The following LMO7 variants were observed in gnomAD, a reference collection of about 807,000 sequenced individuals.
The protein encoded by LMO7 is LIM domain only protein 7.
Under a neutral mutation model 206.5 loss-of-function variants are expected in LMO7, and 120 were observed. The ratio of observed to expected loss-of-function variants is 0.58; its 90% CI spans 0.50 to 0.68. The LOEUF (loss-of-function observed/expected upper bound fraction) is 0.68, where lower values mean the gene tolerates loss of function less well. Among genes scored for constraint, LMO7 ranks in the 30% least tolerant of loss-of-function variants. The pLI, the probability that LMO7 is intolerant of heterozygous loss-of-function variation, is 0.00. For synonymous variants in LMO7, 706 were observed against 681.5 expected, an observed-to-expected ratio of 1.04 and a Z score of -0.56; for missense variants, 1,959 against 1,957.9, an observed-to-expected ratio of 1.00 and a Z score of -0.01.
chr13:75,735,636 T>G (rs1282630975), intron 3 of LMO7, among the ~76,000 whole-genome samples: 1 of 151,340 alleles, frequency 6.6e-6, no homozygotes, highest in Non-Finnish European at 1.5e-5. Flanking sequence ...TAATTTTTTT[T>G]TTTTTTTGTA....
chr13:75,783,914 C>T (rs1038301633), intron 4 of LMO7, among the ~76,000 whole-genome samples: 3 of 152,114 alleles, frequency 2.0e-5, no homozygotes, highest in Non-Finnish European at 1.5e-5. Flanking sequence ...TTAAATGAGC[C>T]TTTCAGCTAA....
intron 19 of LMO7, among the ~76,000 whole-genome samples, chr13:75,837,594 G>A (rs2059232675): frequency 6.6e-6 from 1 of 152,098 alleles, no homozygotes; most frequent in Non-Finnish European, 1.5e-5. Flanking sequence ...TTACTTAATA[G>A]TAGTAGCTAC....
intron 4 of LMO7, among the ~76,000 whole-genome samples, chr13:75,780,945 A>C (rs2051237849): frequency 6.6e-6 from 1 of 152,072 alleles, no homozygotes; most frequent in Non-Finnish European, 1.5e-5. Flanking sequence ...ATTTGCTTTT[A>C]TTAGTCTTGG....
intron 1 of LMO7, among the ~76,000 whole-genome samples, chr13:75,668,675 A>G (rs370841185): frequency 5.3e-5 from 8 of 152,134 alleles, no homozygotes; most frequent in Middle Eastern, 3.4e-3. Context: ...TTTTTTATAC[A>G]TTAGTCCCAA....
chr13:75,838,955 G>A lies in LMO7; in HGVS notation c.3451+759G>A, dbSNP rs193121073. Among the ~76,000 whole-genome samples, 351 of 152,244 alleles carry A rather than the reference G, an allele frequency of 2.3e-3. 1 individual carries two copies. The highest frequency in any genetic ancestry group is 3.3e-3 in the Non-Finnish European group (225 of 68,014). On this transcript the variant is annotated intron_variant, in intron 20 of 30. Transcript: ENST00000377534. ...TGCAATGGTCAGAGGATATTGTGCT[G>A]TTGCCATCTAAAATGTTACTGTTTC...
chr13:75,756,584 T>G (rs1198207883), intron 3 of LMO7, among the ~76,000 whole-genome samples: 1 of 152,178 alleles, frequency 6.6e-6, no homozygotes, highest in Non-Finnish European at 1.5e-5. Context: ...TTGAAGGATT[T>G]CAGAATTTCT....
chr13:75,627,703 T>C (rs2034389806), intron 2 of LMO7: 1 of 152,314 alleles, frequency 6.6e-6, no homozygotes, highest in South Asian at 2.1e-4. Context: ...ACACAGACTT[T>C]ATTTTTTTTT....
At chr13:75,723,258 T>C (rs987402056) in intron 2 of LMO7, among the ~76,000 whole-genome samples, 1 of 152,304 alleles carries the variant, frequency 6.6e-6, no homozygotes, top group African/African-American at 2.4e-5. Context: ...CTTTATTATA[T>C]CTTTAAAACT....
rs543836415 is a variant in LMO7, at chr13:75,653,201, G to C, written c.69+16475G>C. On this transcript the variant is annotated intron_variant, in intron 1 of 30. Transcript: ENST00000377534. Reference sequence around the variant, plus strand: ...GAAAAAAAAGAAAGTTAACATACTTGCATACATTGAATATCTAAGTTCCAG... The same window carrying C: ...GAAAAAAAAGAAAGTTAACATACTTCCATACATTGAATATCTAAGTTCCAG... Among the ~76,000 whole-genome samples the C allele has an allele frequency of 7.2e-5, 11 of 152,322 alleles. No individual in the cohort carries two copies. The South Asian group carries it at 2.1e-3, about 29-fold the overall frequency.
intron 11 of LMO7, among the ~76,000 whole-genome samples, chr13:75,810,831 G>C (rs746932686): frequency 2.6e-5 from 4 of 152,208 alleles, no homozygotes; most frequent in Non-Finnish European, 5.9e-5. Context: ...TTATATGACT[G>C]AGTTAGAGAA....
chr13:75,837,088 C>T (rs1055749516), intron 19 of LMO7, among the ~76,000 whole-genome samples: 7 of 152,212 alleles, frequency 4.6e-5, no homozygotes, highest in African/African-American at 1.7e-4. Context: ...GAGACCTCTT[C>T]TGCCATGAAC....
At chr13:75,663,387 G>C (rs1345346150) in intron 1 of LMO7, among the ~76,000 whole-genome samples, 2 of 141,278 alleles carry the variant, frequency 1.4e-5, no homozygotes, top group East Asian at 4.6e-4. Context: ...GTGAATGTAA[G>C]AAGTATGTCA....
At chr13:75,855,143 A>G in intron 28 of LMO7, 117 bp from the exon 29 acceptor site, 1 of 593,728 alleles carries the variant, frequency 1.7e-6, no homozygotes, top group Admixed American at 2.9e-5. Flanking sequence ...TCCCACAGAT[A>G]TATGTATAGA....
intron 26 of LMO7, among the ~76,000 whole-genome samples, chr13:75,846,052 A>G (rs1186362885): frequency 6.6e-6 from 1 of 152,064 alleles, no homozygotes; most frequent in Non-Finnish European, 1.5e-5. Flanking sequence ...TATCATTGCC[A>G]TGCTGGAGAA....
chr13:75,636,896 G>A (rs1283757049), intron 1 of LMO7, among the ~76,000 whole-genome samples, 170 bp downstream of exon 1: 1 of 152,182 alleles, frequency 6.6e-6, no homozygotes, highest in African/African-American at 2.4e-5. Context: ...GGGTTCTGCC[G>A]CTCCTGCATC....
intron 1 of LMO7, chr13:75,622,242 T>A (rs558849819): frequency 6.4e-6 from 1 of 155,792 alleles, no homozygotes; most frequent in South Asian, 2.0e-4. Flanking sequence ...AGACTGGAAA[T>A]TTTTAACTCC....
chr13:75,670,966 C>CTTTT (rs552236505), intron 1 of LMO7, among the ~76,000 whole-genome samples: 8 of 100,068 alleles, frequency 8.0e-5, no homozygotes, highest in African/African-American at 2.5e-4. Context: ...ATGTTTAAAA[C>CTTTT]TTTTTTTTTT....
intron 1 of LMO7, among the ~76,000 whole-genome samples, chr13:75,650,141 T>A (rs2037415504): frequency 6.6e-6 from 1 of 151,498 alleles, no homozygotes; most frequent in Non-Finnish European, 1.5e-5. Flanking sequence ...TTCTTTTTCT[T>A]TTTTTTTGAG....
At chr13:75,628,246 A>G (rs760636230) in intron 2 of LMO7, 4 of 152,242 alleles carry the variant, frequency 2.6e-5, no homozygotes, top group Non-Finnish European at 5.9e-5. Context: ...TGCACTGGAA[A>G]CTTCCTGGAG....
Sources: allele counts gnomAD v4.1 joint callset (sites outside exome capture counted in the v4.1 genomes callset), GRCh38; gene constraint gnomAD v4.1.1; transcripts MANE v1.5; gene names NCBI Gene and HGNC (gene_info 2026-07-23, HGNC 2026-07-21).